TUBGCP5: variants seen among roughly 807,000 people sequenced by gnomAD.
The protein encoded by TUBGCP5 is gamma-tubulin complex component 5.
TUBGCP5 carries 98 observed loss-of-function variants against 134.7 expected under a neutral mutation model. That is an observed-to-expected ratio of 0.73 (90% CI 0.62 to 0.86). The LOEUF (loss-of-function observed/expected upper bound fraction) is 0.86. Among genes scored for constraint, TUBGCP5 ranks in the 40% least tolerant of loss-of-function variants. The pLI, the probability that TUBGCP5 is intolerant of heterozygous loss-of-function variation, is 0.00. For missense variants in TUBGCP5, 1,150 were observed against 1,244.8 expected (o/e 0.92, Z 1.15); for synonymous variants, 456 against 431.4 (o/e 1.06, Z -0.71).
At chr15:23,035,673 T>C (rs1045497891) in intron 3 of TUBGCP5, among the ~76,000 whole-genome samples, 14 of 152,084 alleles carry the variant, frequency 9.2e-5, no homozygotes, top group African/African-American at 2.9e-4. Context: ...CAGGCACATA[T>C]TGGTACTCGT....
chr15:22,986,133 C>CAAAA (rs35699215), intron 23 of TUBGCP5, among the ~76,000 whole-genome samples: 3,912 of 113,912 alleles, frequency 0.034, 77 homozygotes, highest in East Asian at 0.1. Context: ...GACTCTGTCT[C>CAAAA]AAAAAAAAAA....
intron 20 of TUBGCP5, among the ~76,000 whole-genome samples, chr15:23,003,841 CAG>C (rs1220989901): frequency 2.0e-5 from 3 of 151,950 alleles, no homozygotes; most frequent in African/African-American, 4.8e-5. Flanking sequence ...TTTGTAAAGA[CAG>C]AGTCTTGCTA....
intron 3 of TUBGCP5, among the ~76,000 whole-genome samples, chr15:23,033,064 G>C (rs1473514290): frequency 6.6e-6 from 1 of 152,124 alleles, no homozygotes; most frequent in Non-Finnish European, 1.5e-5. Context: ...TATAAGATCT[G>C]AGTGGATGAC....
intron 21 of TUBGCP5, among the ~76,000 whole-genome samples, chr15:23,002,507 G>A (rs1161659411): frequency 1.3e-5 from 2 of 152,204 alleles, no homozygotes; most frequent in Admixed American, 1.3e-4. Flanking sequence ...CACTTCCCCT[G>A]ATTCAGTGCA....
intron 16 of TUBGCP5, 120 bp from the exon 17 acceptor site, chr15:23,006,472 A>G: frequency 1.4e-6 from 1 of 704,188 alleles, no homozygotes; most frequent in South Asian, 1.8e-5. Context: ...ATTTCATAAA[A>G]GAAATGCAAA....
Position 23,011,234 on chromosome 15 carries a change from T to A in TUBGCP5, c.1854A>T (p.Gln618His), listed in dbSNP as rs147816617. The change falls in exon 14 of 23, where the codon CAA becomes CAT. Residue 618 changes from glutamine (Q) to histidine (H), a missense_variant. By Grantham distance (24) the Gln-to-His change is conservative. Around this residue, in one of 2 missense-constraint regions of TUBGCP5, gnomAD observed 697 missense variants for 850.1 expected, o/e 0.82. Transcript: ENST00000615383. ...EDSTPQVLTE[Q>H]QATKENLMKM... is the part of the protein sequence containing the mutation. ...TCATCAGGTTCTCCTTGGTTGCCTG[T>A]TGCTCAGTAAGAACCTGTGGAGTGG... 4.3e-6 allele frequency: 7 copies of A among 1,613,788 alleles called. No homozygotes were observed. In the African/African-American group the frequency reaches 9.3e-5, roughly 22 times the overall value.
chr15:23,014,654 A>C (rs1476801246), intron 13 of TUBGCP5, among the ~76,000 whole-genome samples: 1 of 152,164 alleles, frequency 6.6e-6, no homozygotes, highest in Non-Finnish European at 1.5e-5. Context: ...AGGACTGAGA[A>C]AGAGCCCCTT....
At position 23,036,923 on chromosome 15, in the gene TUBGCP5, G is replaced by C; in HGVS notation, c.283C>G (p.Pro95Ala). The C allele has an allele frequency of 6.2e-7, 1 of 1,611,186 alleles. No homozygotes were observed. Among genetic ancestry groups the C allele is most frequent in the South Asian group, 1.1e-5 (1 of 90,708 alleles). ...TTTATTTCCTTTATACTGGGAAGTG[G>C]TGCATTTAGAAATTCCTCCGTTAAT... is the stretch of plus-strand genomic sequence containing the variant. ...KRLTEEFLNAPLPSIKEIKTD... is the reference protein window; with the variant it reads ...KRLTEEFLNAALPSIKEIKTD... The change falls in exon 3 of 23, where the codon CCA (proline) becomes GCA (alanine). Residue 95 changes from proline (P) to alanine (A), a missense_variant. Physicochemically the swap from Pro to Ala is conservative, Grantham distance 27. Around this residue, in one of 2 missense-constraint regions of TUBGCP5, gnomAD observed 453 missense variants for 394.7 expected, o/e 1.15. Coordinates refer to ENST00000615383, the MANE Select transcript of TUBGCP5 (RefSeq NM_052903.6).
intron 22 of TUBGCP5, 58 bp from the exon 23 acceptor site, chr15:22,999,924 T>G: frequency 1.3e-6 from 2 of 1,569,734 alleles, no homozygotes; most frequent in Non-Finnish European, 1.7e-6. Context: ...AAAAAAAATT[T>G]TTTTTGAAGA....
chr15:23,027,421 C>A, intron 6 of TUBGCP5, 115 bp from the exon 7 acceptor site: 1 of 750,246 alleles, frequency 1.3e-6, no homozygotes, highest in Non-Finnish European at 2.3e-6. Flanking sequence ...TTAAAAATAA[C>A]AGCTACCTAA....
intron 3 of TUBGCP5, 108 bp from the exon 4 acceptor site, chr15:23,032,932 G>A (rs983889280): frequency 2.6e-6 from 2 of 757,188 alleles, no homozygotes; most frequent in East Asian, 5.8e-5. Flanking sequence ...TTTTTTCCTG[G>A]TTTGAGAAAA....
At chr15:23,001,966 T>C (rs1377190583) in intron 21 of TUBGCP5, among the ~76,000 whole-genome samples, 3 of 152,172 alleles carry the variant, frequency 2.0e-5, no homozygotes, top group African/African-American at 4.8e-5. Context: ...TTTTCGGCTT[T>C]AAGTCTCAAT....
At chr15:23,002,335 T>C (rs1317672763) in intron 21 of TUBGCP5, among the ~76,000 whole-genome samples, 1 of 152,120 alleles carries the variant, frequency 6.6e-6, no homozygotes, top group Non-Finnish European at 1.5e-5. Flanking sequence ...CTTACTGACA[T>C]GGAGTAAGTA....
intron 20 of TUBGCP5, 118 bp downstream of exon 20, chr15:23,003,984 G>A: frequency 7.5e-7 from 1 of 1,325,842 alleles, no homozygotes; most frequent in Non-Finnish European, 1.0e-6. Flanking sequence ...CATTTCATCT[G>A]GTTCTTCCTT....
chr15:23,000,563 A>C lies in TUBGCP5; in HGVS notation c.3028+6T>G. 1 of 1,611,654 alleles carries C rather than the reference A, an allele frequency of 6.2e-7. No individual in the cohort carries two copies. The highest frequency in any genetic ancestry group is 1.1e-5 in the South Asian group (1 of 90,470). ...AGGTAGAAATATTTTAACATGATAT[A>C]CTCACAATGGGGAAAGGATCCTCTA... On this transcript the variant is annotated splice_donor_region_variant and intron_variant, in intron 22 of 22. Transcript: ENST00000615383.
intron 23 of TUBGCP5, among the ~76,000 whole-genome samples, chr15:22,993,693 C>T (rs2063940294): frequency 6.6e-6 from 1 of 151,678 alleles, no homozygotes; most frequent in African/African-American, 2.4e-5. Flanking sequence ...TACAGGTATG[C>T]ACCACCATGC....
chr15:23,015,733 G>T (rs1595863884), intron 13 of TUBGCP5, among the ~76,000 whole-genome samples: 1 of 152,152 alleles, frequency 6.6e-6, no homozygotes, highest in Non-Finnish European at 1.5e-5. Context: ...GGCCACTGAG[G>T]CACTTGCAAA....
intron 23 of TUBGCP5, among the ~76,000 whole-genome samples, chr15:22,984,861 C>G (rs1042571260): frequency 2.6e-5 from 4 of 152,014 alleles, no homozygotes; most frequent in Non-Finnish European, 5.9e-5. Flanking sequence ...GGGTTAGTAC[C>G]TTTAGGAAAA....
Position 23,011,140 on chromosome 15 carries a change from AGTTAATG to A in TUBGCP5, c.1941_1947del (p.Ile648LeufsTer29), listed in dbSNP as rs2065008550. 6.2e-7 allele frequency: 1 copy of A among 1,613,992 alleles called. No individual in the cohort carries two copies. On this transcript the variant is annotated frameshift_variant, in exon 14 of 23. Coordinates refer to ENST00000615383, the MANE Select transcript of TUBGCP5 (RefSeq NM_052903.6). LOFTEE classifies it high-confidence loss of function. ...CTTGCAGGTGTGTCTCACCTTGCAA[AGTTAATG>A]GCAAGCAGTGGATCATGAACATCAT... is the stretch of plus-strand genomic sequence containing the variant.
Sources: allele counts gnomAD v4.1 joint callset (sites outside exome capture counted in the v4.1 genomes callset), GRCh38; gene constraint gnomAD v4.1.1; regional missense constraint gnomAD v4.1.1; transcripts MANE v1.5; gene names NCBI Gene and HGNC (gene_info 2026-07-23, HGNC 2026-07-21).